CHD6: variants seen among roughly 807,000 people sequenced by gnomAD.
CHD6 encodes the protein ATP-dependent chromatin remodeler CHD6.
In CHD6, 50 loss-of-function variants were observed where a neutral mutation model predicts 276.9. The ratio of observed to expected loss-of-function variants is 0.18; its 90% CI spans 0.14 to 0.23. The LOEUF (loss-of-function observed/expected upper bound fraction) is 0.23. CHD6 is among the 10% of genes least tolerant of loss of function. CHD6 has a pLI of 1.00. For synonymous variants in CHD6, 1,173 were observed against 1,229.3 expected (o/e 0.95, Z 0.96); for missense variants, 2,564 against 3,365.8 (o/e 0.76, Z 5.89).
intron 17 of CHD6, among the ~76,000 whole-genome samples, chr20:41,470,725 C>T (rs760327222): frequency 2.6e-5 from 4 of 152,260 alleles, no homozygotes; most frequent in Non-Finnish European, 5.9e-5. Context: ...ATAAATCAGT[C>T]ACCTCAGATG....
At chr20:41,505,378 T>C (rs935412184) in intron 5 of CHD6, among the ~76,000 whole-genome samples, 2 of 152,118 alleles carry the variant, frequency 1.3e-5, no homozygotes, top group African/African-American at 4.8e-5. Flanking sequence ...ATTTCTTTAG[T>C]TTCCAAACAC....
At chr20:41,497,342 A>G in intron 8 of CHD6, 42 bp downstream of exon 8, 5 of 1,224,466 alleles carry the variant, frequency 4.1e-6, no homozygotes, top group Non-Finnish European at 4.9e-6. Flanking sequence ...TTACTGCTGC[A>G]AGAAAAGCAG....
intron 1 of CHD6, among the ~76,000 whole-genome samples, chr20:41,581,608 G>A (rs55865608): frequency 0.13 from 19,456 of 151,326 alleles, 2,650 homozygotes; most frequent in African/African-American, 0.32. Context: ...TCAGGGAGGC[G>A]GAGGCTGCAG....
At chr20:41,593,195 A>G (rs1412087944) in intron 1 of CHD6, among the ~76,000 whole-genome samples, 1 of 105,952 alleles carries the variant, frequency 9.4e-6, no homozygotes, top group Admixed American at 1.0e-4. Context: ...ACTCAGCCCA[A>G]TCAAAAAGGG....
chr20:41,493,448 C>A (rs73611286), intron 10 of CHD6, 90 bp downstream of exon 10: 1 of 1,332,526 alleles, frequency 7.5e-7, no homozygotes, highest in Non-Finnish European at 1.0e-6. Flanking sequence ...CAGAAACCAC[C>A]TAGGAACAAG....
At chr20:41,497,924 C>T in intron 7 of CHD6, 1 of 491,476 alleles carries the variant, frequency 2.0e-6, no homozygotes, top group Non-Finnish European at 3.7e-6. Flanking sequence ...TTGGGCCCCA[C>T]TGAGTCTGAG....
chr20:41,502,336 A>G (rs1477170597), intron 5 of CHD6, among the ~76,000 whole-genome samples: 1 of 152,242 alleles, frequency 6.6e-6, no homozygotes. Flanking sequence ...AAAAATTAAA[A>G]AATATGTTAA....
chr20:41,539,368 G>C (rs1046266909), intron 2 of CHD6, among the ~76,000 whole-genome samples: 1 of 152,120 alleles, frequency 6.6e-6, no homozygotes, highest in Non-Finnish European at 1.5e-5. Context: ...GGCTCTCCTC[G>C]AGAGTGGTTA....
chr20:41,605,868 T>C (rs971133432), intron 1 of CHD6, among the ~76,000 whole-genome samples: 4 of 152,192 alleles, frequency 2.6e-5, no homozygotes, highest in Non-Finnish European at 2.9e-5. Flanking sequence ...CAAGTATGAA[T>C]ACTTGACCAA....
chr20:41,428,214 C>T (rs2145515369), intron 27 of CHD6, among the ~76,000 whole-genome samples: 1 of 152,296 alleles, frequency 6.6e-6, no homozygotes, highest in East Asian at 1.9e-4. Flanking sequence ...TGTTCCTGTC[C>T]TCTCTTGAAG....
chr20:41,483,979 T>C (rs979493803), intron 15 of CHD6, among the ~76,000 whole-genome samples: 5 of 152,262 alleles, frequency 3.3e-5, no homozygotes, highest in African/African-American at 7.2e-5. Flanking sequence ...TTTAATCTCA[T>C]TGCAGCACTT....
chr20:41,464,459 C>T (rs1158871362), intron 17 of CHD6, among the ~76,000 whole-genome samples: 1 of 152,072 alleles, frequency 6.6e-6, no homozygotes, highest in African/African-American at 2.4e-5. Flanking sequence ...GATGTGTATA[C>T]TAGGATGGAA....
chr20:41,480,634 G>A lies in CHD6; in HGVS notation c.2468+2675C>T, dbSNP rs1050934875. Among the ~76,000 whole-genome samples the A allele has an allele frequency of 1.9e-4, 29 of 152,130 alleles. 1 individual carries two copies. Among genetic ancestry groups the A allele is most frequent in the Non-Finnish European group, 1.5e-5 (1 of 68,012 alleles). On this transcript the variant is annotated intron_variant, in intron 16 of 36. Coordinates refer to ENST00000373233, the MANE Select transcript of CHD6 (RefSeq NM_032221.5). The stretch of plus-strand genomic sequence containing the variant: ...GAAGGCTAAACATTCATCTTCCACA[G>A]TGAGAACGGATAATACCTACAACTG...
At chr20:41,572,917 C>T (rs1363209837) in intron 1 of CHD6, among the ~76,000 whole-genome samples, 4 of 146,554 alleles carry the variant, frequency 2.7e-5, no homozygotes, top group Non-Finnish European at 4.5e-5. Flanking sequence ...GCTCAAGACC[C>T]TTTTTTTTTT....
intron 27 of CHD6, among the ~76,000 whole-genome samples, chr20:41,432,368 G>T (rs6129837): frequency 6.6e-6 from 1 of 151,870 alleles, no homozygotes; most frequent in African/African-American, 2.4e-5. Context: ...TTTCCAGGTG[G>T]TAATAGGGTA....
In CHD6 at chr20:41,451,090, A is replaced by G; in HGVS notation, c.3539T>C (p.Val1180Ala). ...LQNHSGLSAPVPRGRKGKKTK... is the reference protein window; with the variant it reads ...LQNHSGLSAPAPRGRKGKKTK... ...CTTCTTCCCCTTCCTCCCTCTGGGG[A>G]CTGGGGCAGATAAGCCTGAAACAGA... is the stretch of plus-strand genomic sequence containing the variant. The change falls in exon 23 of 37, where the codon GTC (valine) becomes GCC (alanine). Residue 1180 changes from valine (V) to alanine (A), a missense_variant. Val to Ala is a moderately conservative substitution (Grantham distance 64). Around this residue, in one of 7 missense-constraint regions of CHD6, gnomAD observed 515 missense variants for 739.5 expected, o/e 0.70. Coordinates refer to ENST00000373233, the MANE Select transcript of CHD6 (RefSeq NM_032221.5). 1 of 1,613,776 alleles carries G rather than the reference A, an allele frequency of 6.2e-7. No homozygotes were observed. The highest frequency in any genetic ancestry group is 8.5e-7 in the Non-Finnish European group (1 of 1,179,814).
At chr20:41,554,795 C>T (rs1352778390) in intron 1 of CHD6, among the ~76,000 whole-genome samples, 3 of 152,196 alleles carry the variant, frequency 2.0e-5, no homozygotes, top group South Asian at 2.1e-4. Flanking sequence ...TACACAGACA[C>T]GGCAACCATC....
chr20:41,529,527 G>C (rs571295711), intron 3 of CHD6, among the ~76,000 whole-genome samples: 25 of 152,174 alleles, frequency 1.6e-4, no homozygotes, highest in African/African-American at 6.0e-4. Flanking sequence ...CTGGTTTGGG[G>C]AAACTCTGAT....
At chr20:41,471,423 C>T (rs1356888663) in intron 17 of CHD6, among the ~76,000 whole-genome samples, 4 of 152,120 alleles carry the variant, frequency 2.6e-5, no homozygotes, top group African/African-American at 9.7e-5. Context: ...ATCTTTTCAC[C>T]AGTAGAAAGA....
Sources: gnomAD v4.1 joint callset for allele counts (sites outside exome capture counted in the v4.1 genomes callset) on GRCh38, gnomAD v4.1.1 for gene constraint, gnomAD v4.1.1 regional missense constraint, MANE v1.5 for transcripts, NCBI Gene and HGNC (gene_info 2026-07-23, HGNC 2026-07-21) for gene names.